FGGY: variants seen among roughly 807,000 people sequenced by gnomAD.
FGGY encodes the protein FGGY carbohydrate kinase domain containing, also known as FGGY carbohydrate kinase domain-containing protein.
In FGGY, 72 loss-of-function variants were observed where a neutral mutation model predicts 71.3. That is an observed-to-expected ratio of 1.01 (90% confidence interval 0.84 to 1.23). The LOEUF is 1.23. Ranked by LOEUF, FGGY falls within the 50% of genes most tolerant of loss-of-function variation. The pLI, the probability that FGGY is intolerant of heterozygous loss-of-function variation, is 0.00. For missense variants in FGGY, 668 were observed against 682.3 expected (o/e 0.98, Z 0.23); for synonymous variants, 251 against 250.3 (o/e 1.00, Z -0.02).
At chr1:59,602,298 G>GGACC (rs2096585797) in intron 8 of FGGY, among the ~76,000 whole-genome samples, 1 of 152,084 alleles carries the variant, frequency 6.6e-6, no homozygotes, top group African/African-American at 2.4e-5. Context: ...TATAATAATA[G>GGACC]GACCTCTCTC....
At chr1:59,600,811 C>CTAA (rs1390951208) in intron 8 of FGGY, among the ~76,000 whole-genome samples, 1 of 152,154 alleles carries the variant, frequency 6.6e-6, no homozygotes, top group Non-Finnish European at 1.5e-5. Context: ...TGTCAGACTC[C>CTAA]TAAGTCTGTG....
chr1:59,564,637 G>A (rs1464516726), intron 8 of FGGY, among the ~76,000 whole-genome samples: 1 of 152,250 alleles, frequency 6.6e-6, no homozygotes, highest in African/African-American at 2.4e-5. Flanking sequence ...AATGGCTGAA[G>A]TTGTGGTGAT....
At chr1:59,704,118 T>C (rs542755821) in intron 14 of FGGY, among the ~76,000 whole-genome samples, 165 of 152,288 alleles carry the variant, frequency 1.1e-3, no homozygotes, top group African/African-American at 3.8e-3. Flanking sequence ...TGTGCGCACA[T>C]GTTCAGATGT....
At chr1:59,540,120 G>A (rs1011631666) in intron 7 of FGGY, among the ~76,000 whole-genome samples, 2 of 152,200 alleles carry the variant, frequency 1.3e-5, no homozygotes, top group African/African-American at 4.8e-5. Flanking sequence ...ATAATGCCAA[G>A]TATTGATGGG....
At chr1:59,594,751 C>T (rs1258481348) in intron 8 of FGGY, among the ~76,000 whole-genome samples, 1 of 152,244 alleles carries the variant, frequency 6.6e-6, no homozygotes, top group African/African-American at 2.4e-5. Context: ...TAAGCCCACA[C>T]TATGCACAGA....
chr1:59,502,037 T>A (rs2094242020), intron 6 of FGGY, among the ~76,000 whole-genome samples: 1 of 152,240 alleles, frequency 6.6e-6, no homozygotes, highest in Non-Finnish European at 1.5e-5. Flanking sequence ...TTATCTTGCT[T>A]GATTCTTATA....
intron 7 of FGGY, among the ~76,000 whole-genome samples, chr1:59,546,063 A>G (rs749717402): frequency 4.6e-5 from 7 of 151,500 alleles, no homozygotes; most frequent in Non-Finnish European, 1.0e-4. Flanking sequence ...CTGAAATCAA[A>G]TGAACTGTTA....
At chr1:59,514,059 G>A (rs2094580290) in intron 7 of FGGY, among the ~76,000 whole-genome samples, 1 of 152,202 alleles carries the variant, frequency 6.6e-6, no homozygotes. Context: ...TTCAGTGTGA[G>A]CAATGTGTGC....
At chr1:59,756,618 G>A (rs370113269) in intron 14 of FGGY, among the ~76,000 whole-genome samples, 7 of 152,282 alleles carry the variant, frequency 4.6e-5, no homozygotes, top group African/African-American at 1.4e-4. Flanking sequence ...TGCTTGGCAC[G>A]TGAAAGGGAG....
chr1:59,689,042 G>A (rs555870498), intron 14 of FGGY, among the ~76,000 whole-genome samples: 228 of 152,266 alleles, frequency 1.5e-3, no homozygotes, highest in Non-Finnish European at 2.5e-3. Flanking sequence ...GAGCCACCTC[G>A]TCTGGCCTAG....
intron 14 of FGGY, among the ~76,000 whole-genome samples, chr1:59,709,426 T>C (rs1456158362): frequency 6.6e-6 from 1 of 150,476 alleles, no homozygotes; most frequent in Non-Finnish European, 1.5e-5. Flanking sequence ...GGATTACAAT[T>C]TGAGATGAGA....
At chr1:59,396,923 A>G (rs2061394003) in intron 5 of FGGY, among the ~76,000 whole-genome samples, 1 of 152,226 alleles carries the variant, frequency 6.6e-6, no homozygotes, top group South Asian at 2.1e-4. Context: ...TTGCAGAGCA[A>G]CAAGGAATCC....
intron 6 of FGGY, among the ~76,000 whole-genome samples, chr1:59,479,758 C>G (rs1401226052): frequency 2.0e-5 from 3 of 152,124 alleles, no homozygotes; most frequent in Non-Finnish European, 4.4e-5. Context: ...GGAGGATTAT[C>G]AAACGGTACA....
chr1:59,323,566 C>A (rs936772370), intron 2 of FGGY, among the ~76,000 whole-genome samples: 1 of 152,166 alleles, frequency 6.6e-6, no homozygotes, highest in Non-Finnish European at 1.5e-5. Context: ...GATAATAACA[C>A]CATAGGAATG....
At chr1:59,402,988 C>T (rs1183372794) in intron 5 of FGGY, among the ~76,000 whole-genome samples, 1 of 152,092 alleles carries the variant, frequency 6.6e-6, no homozygotes, top group African/African-American at 2.4e-5. Context: ...TGCTAGGATA[C>T]AGATTGCACT....
intron 11 of FGGY, among the ~76,000 whole-genome samples, chr1:59,655,636 A>G (rs1194202443): frequency 1.3e-5 from 2 of 152,176 alleles, no homozygotes; most frequent in African/African-American, 4.8e-5. Flanking sequence ...GTAGTAGTCC[A>G]TGGTGTATAT....
At chr1:59,350,255 A>C (rs2052993738) in intron 4 of FGGY, among the ~76,000 whole-genome samples, 2 of 152,102 alleles carry the variant, frequency 1.3e-5, no homozygotes, top group East Asian at 3.9e-4. Context: ...GACAATAAGG[A>C]CTCAACCTTA....
At chr1:59,714,471 A>G (rs1437130040) in intron 14 of FGGY, among the ~76,000 whole-genome samples, 1 of 152,212 alleles carries the variant, frequency 6.6e-6, no homozygotes. Flanking sequence ...GAGGGAAAAT[A>G]TGTCAACACA....
At chr1:59,623,392 T>C (rs2096828589) in intron 9 of FGGY, among the ~76,000 whole-genome samples, 1 of 152,184 alleles carries the variant, frequency 6.6e-6, no homozygotes, top group South Asian at 2.1e-4. Flanking sequence ...TAACCTACAG[T>C]AATCCTATGA....
Sources: gnomAD v4.1 joint callset for allele counts (sites outside exome capture counted in the v4.1 genomes callset) on GRCh38, gnomAD v4.1.1 for gene constraint, MANE v1.5 for transcripts, NCBI Gene and HGNC (gene_info 2026-07-23, HGNC 2026-07-21) for gene names.